NUDC: variants seen among roughly 807,000 people sequenced by gnomAD.
The protein encoded by NUDC is nuclear distribution C, dynein complex regulator.
A neutral mutation model predicts 45.0 loss-of-function variants in NUDC; 14 were observed. The observed-to-expected ratio is 0.31, with a 90% CI of 0.21 to 0.49. The LOEUF (loss-of-function observed/expected upper bound fraction) is 0.49. Among genes scored for constraint, NUDC ranks in the 20% least tolerant of loss-of-function variants. The pLI is 0.99. For missense variants in NUDC, 323 were observed against 426.2 expected (o/e 0.76, Z 2.13); for synonymous variants, 153 against 156.7 (o/e 0.98, Z 0.17).
intron 6 of NUDC, among the ~76,000 whole-genome samples, chr1:26,944,710 G>A (rs1168812139): frequency 6.6e-6 from 1 of 152,104 alleles, no homozygotes; most frequent in Non-Finnish European, 1.5e-5. Context: ...TCTGAGGCAG[G>A]AGAATCGCTT....
At chr1:26,937,453 C>T (rs747275890) in intron 2 of NUDC, among the ~76,000 whole-genome samples, 4 of 151,536 alleles carry the variant, frequency 2.6e-5, no homozygotes, top group East Asian at 1.9e-4. Context: ...CTAATATTTT[C>T]GTATTTTTGG....
At chr1:26,901,527 C>T (rs1490485780) in intron 1 of NUDC, among the ~76,000 whole-genome samples, 1 of 151,314 alleles carries the variant, frequency 6.6e-6, no homozygotes, top group African/African-American at 2.4e-5. Flanking sequence ...GTCTCAGCCT[C>T]CCGAGTAGCT....
chr1:26,945,554 C>T lies in NUDC; in HGVS notation c.826-14C>T, dbSNP rs374374579. 2 of 1,612,786 alleles carry T rather than the reference C, an allele frequency of 1.2e-6. No individual in the cohort carries two copies. The highest frequency in any genetic ancestry group is 1.3e-5 in the African/African-American group (1 of 75,024). ...TCCAGAGCTTCACCGATTCCTGTCACTGCCTGCCCTCAGCTGTCAGACCTG... is the reference window on the plus strand; with the variant it reads ...TCCAGAGCTTCACCGATTCCTGTCATTGCCTGCCCTCAGCTGTCAGACCTG... On this transcript the variant is annotated splice_polypyrimidine_tract_variant and intron_variant, in intron 7 of 8. Coordinates refer to ENST00000321265, the MANE Select transcript of NUDC (RefSeq NM_006600.4).
At chr1:26,901,439 C>A (rs960265223) in intron 1 of NUDC, among the ~76,000 whole-genome samples, 2 of 131,636 alleles carry the variant, frequency 1.5e-5, no homozygotes, top group Non-Finnish European at 3.1e-5. Context: ...GAGCCTCGCT[C>A]TGTCATCCAG....
chr1:26,912,550 A>G (rs142599798), intron 3 of NUDC, among the ~76,000 whole-genome samples: 66 of 152,300 alleles, frequency 4.3e-4, no homozygotes, highest in African/African-American at 1.5e-3. Context: ...ATTACAATTA[A>G]TTACTACGAT....
At chr1:26,921,711 C>T (rs1399085552), upstream of NUDC, 6 of 923,806 alleles carry the variant, frequency 6.5e-6, no homozygotes, top group African/African-American at 3.3e-5. Context: ...CGGGCCTGGG[C>T]AGCCGCGCGC....
intron 2 of NUDC, among the ~76,000 whole-genome samples, chr1:26,932,082 T>TA (rs2082188524): frequency 6.6e-6 from 1 of 151,476 alleles, no homozygotes. Context: ...GCATGATCAC[T>TA]ACTTACCTTG....
At chr1:26,907,666 G>A (rs7534591) in intron 2 of NUDC, among the ~76,000 whole-genome samples, 1 of 152,158 alleles carries the variant, frequency 6.6e-6, no homozygotes, top group Admixed American at 6.5e-5. Context: ...GATAATGATG[G>A]CAATAAAATG....
chr1:26,940,476 CAAAAA>C (rs56232013), intron 2 of NUDC, among the ~76,000 whole-genome samples: 1 of 133,484 alleles, frequency 7.5e-6, no homozygotes, highest in Admixed American at 7.5e-5. Context: ...AACTCCATCT[CAAAAA>C]AAAAAATTAA....
At chr1:26,923,555 C>T (rs2082108150) in intron 1 of NUDC, among the ~76,000 whole-genome samples, 1 of 152,122 alleles carries the variant, frequency 6.6e-6, no homozygotes, top group African/African-American at 2.4e-5. Context: ...ACTGCAACCT[C>T]TGCTTCCCGG....
upstream of NUDC, chr1:26,921,642 C>G: frequency 1.7e-6 from 1 of 602,566 alleles, no homozygotes. Context: ...AAGCGGGTTG[C>G]TTGCCGCACG....
At chr1:26,941,966 C>T in intron 4 of NUDC, 148 bp downstream of exon 4, 2 of 826,208 alleles carry the variant, frequency 2.4e-6, no homozygotes, top group Non-Finnish European at 4.1e-6. Flanking sequence ...TAAGATCACA[C>T]TCAGAGACAT....
intron 2 of NUDC, among the ~76,000 whole-genome samples, chr1:26,904,397 T>C (rs1159076725): frequency 6.6e-6 from 1 of 152,086 alleles, no homozygotes; most frequent in Non-Finnish European, 1.5e-5. Flanking sequence ...CTTGAACTCC[T>C]GGCCTCAAGT....
At chr1:26,927,579 G>A (rs187958425) in intron 2 of NUDC, among the ~76,000 whole-genome samples, 2,533 of 151,672 alleles carry the variant, frequency 0.017, 25 homozygotes, top group Non-Finnish European at 0.026. Flanking sequence ...CGTATTTTTA[G>A]TAGAGCCGGG....
upstream of NUDC, among the ~76,000 whole-genome samples, chr1:26,918,446 C>T (rs893655876): frequency 2.6e-5 from 4 of 151,542 alleles, no homozygotes; most frequent in South Asian, 2.1e-4. Flanking sequence ...GCTGATTTTT[C>T]GTATTTTTTA....
chr1:26,911,566 A>T (rs753658661), intron 3 of NUDC: 34 of 476,860 alleles, frequency 7.1e-5, no homozygotes, highest in Non-Finnish European at 1.2e-4. Flanking sequence ...CTGGTCCAAT[A>T]AGCAGCCTAA....
rs115656060 is a variant in NUDC, at chr1:26,914,144, G to A, written c.93+2909G>A. Among the ~76,000 whole-genome samples the A allele has an allele frequency of 3.7e-3, 565 of 152,108 alleles. 2 individuals are homozygous for A. The highest frequency in any genetic ancestry group is 0.012 in the African/African-American group (499 of 41,562). ...GGGGAGGGGGCATTGGGAACCCCACGTGGCACTGATATCACCTCAGTCAAT... is the reference window on the plus strand; with the variant it reads ...GGGGAGGGGGCATTGGGAACCCCACATGGCACTGATATCACCTCAGTCAAT... On this transcript the variant is annotated intron_variant, in intron 3 of 6. Transcript: ENST00000435827.
At chr1:26,934,942 C>T (rs1179040660) in intron 2 of NUDC, among the ~76,000 whole-genome samples, 2 of 151,680 alleles carry the variant, frequency 1.3e-5, no homozygotes, top group East Asian at 3.9e-4. Context: ...CAGGCGTGAA[C>T]CACCGCGCCC....
upstream of NUDC, among the ~76,000 whole-genome samples, chr1:26,917,467 T>C (rs1037188906): frequency 1.3e-5 from 2 of 150,444 alleles, no homozygotes; most frequent in Non-Finnish European, 3.0e-5. Context: ...GAGGCTGAGG[T>C]AGGAGAATCG....
Sources: allele counts gnomAD v4.1 joint callset (sites outside exome capture counted in the v4.1 genomes callset), GRCh38; gene constraint gnomAD v4.1.1; transcripts MANE v1.5; gene names NCBI Gene and HGNC (gene_info 2026-07-23, HGNC 2026-07-21).